Variants in CACNA1D observed in about 807,000 individuals in gnomAD.
CACNA1D encodes the protein calcium voltage-gated channel subunit alpha1 D.
Under a neutral mutation model 257.1 loss-of-function variants are expected in CACNA1D, and 55 were observed. The observed-to-expected ratio is 0.21, with a 90% confidence interval of 0.17 to 0.27. The LOEUF (loss-of-function observed/expected upper bound fraction) is 0.27, where lower values mean the gene tolerates loss of function less well. Ranked by LOEUF, CACNA1D falls within the 10% of genes least tolerant of loss-of-function variation. The pLI, the probability that CACNA1D is intolerant of heterozygous loss-of-function variation, is 1.00. For synonymous variants in CACNA1D, 980 were observed against 1,014.9 expected, an observed-to-expected ratio of 0.97 and a Z score of 0.65; for missense variants, 1,876 against 2,784.0, an observed-to-expected ratio of 0.67 and a Z score of 7.34.
intron 3 of CACNA1D, among the ~76,000 whole-genome samples, chr3:53,592,754 A>G (rs2093322430): frequency 6.6e-6 from 1 of 151,228 alleles, no homozygotes; most frequent in Non-Finnish European, 1.5e-5. Flanking sequence ...CCCAGGCTGG[A>G]GTGCAATGGC....
At chr3:53,522,132 G>A (rs1043016247) in intron 3 of CACNA1D, among the ~76,000 whole-genome samples, 12 of 152,102 alleles carry the variant, frequency 7.9e-5, no homozygotes, top group Non-Finnish European at 1.5e-4. Context: ...CGAGAAGCTG[G>A]GGGAAAAAAA....
chr3:53,559,526 G>A (rs749252539), intron 3 of CACNA1D, among the ~76,000 whole-genome samples: 5 of 152,130 alleles, frequency 3.3e-5, no homozygotes, highest in Admixed American at 6.5e-5. Context: ...CTATGTTTCT[G>A]ACTTTGGTTC....
intron 40 of CACNA1D, among the ~76,000 whole-genome samples, chr3:53,795,352 G>C (rs1306112821): frequency 6.6e-6 from 1 of 152,222 alleles, no homozygotes; most frequent in Admixed American, 6.5e-5. Flanking sequence ...AGGTGAGTAA[G>C]TGTGTGATTC....
At chr3:53,810,779 A>AAAC (rs1559732952) in intron 47 of CACNA1D, among the ~76,000 whole-genome samples, 1 of 119,328 alleles carries the variant, frequency 8.4e-6, no homozygotes, top group African/African-American at 2.9e-5. Context: ...AAAAAAAAAA[A>AAAC]AAAAAAACAA....
chr3:53,710,222 C>T (rs1158735435), intron 9 of CACNA1D, among the ~76,000 whole-genome samples: 1 of 152,218 alleles, frequency 6.6e-6, no homozygotes, highest in Non-Finnish European at 1.5e-5. Context: ...AGGGCACTTC[C>T]TCTCCGCTGT....
chr3:53,597,071 G>T (rs1217272515), intron 3 of CACNA1D, among the ~76,000 whole-genome samples: 1 of 152,158 alleles, frequency 6.6e-6, no homozygotes, highest in African/African-American at 2.4e-5. Context: ...ATTATTTAAT[G>T]TCTGTGTATG....
intron 3 of CACNA1D, among the ~76,000 whole-genome samples, chr3:53,593,904 G>A (rs2093339390): frequency 6.6e-6 from 1 of 152,236 alleles, no homozygotes; most frequent in African/African-American, 2.4e-5. Context: ...CAGCTCTGCA[G>A]GAGCTTCAGT....
chr3:53,805,180 C>T, intron 45 of CACNA1D, 34 bp downstream of exon 45: 3 of 1,603,210 alleles, frequency 1.9e-6, no homozygotes, highest in Non-Finnish European at 2.6e-6. Context: ...GGTGGAACCT[C>T]CCGGGGAACA....
At chr3:53,664,277 C>T (rs1261618858) in intron 5 of CACNA1D, among the ~76,000 whole-genome samples, 1 of 152,086 alleles carries the variant, frequency 6.6e-6, no homozygotes, top group Non-Finnish European at 1.5e-5. Context: ...GCCTCAAGAC[C>T]CTGGCTCAAA....
At chr3:53,598,345 G>T (rs889639307) in intron 3 of CACNA1D, among the ~76,000 whole-genome samples, 1 of 151,886 alleles carries the variant, frequency 6.6e-6, no homozygotes, top group Non-Finnish European at 1.5e-5. Flanking sequence ...GGAGGCCCAG[G>T]AGGGCAGATC....
intron 3 of CACNA1D, among the ~76,000 whole-genome samples, chr3:53,571,397 C>T (rs1416969667): frequency 2.0e-5 from 3 of 152,230 alleles, no homozygotes; most frequent in African/African-American, 4.8e-5. Context: ...TAGACTGTGC[C>T]TTGTGGCAGG....
intron 14 of CACNA1D, among the ~76,000 whole-genome samples, 159 bp downstream of exon 14, chr3:53,724,158 C>T (rs963574490): frequency 1.3e-5 from 2 of 152,282 alleles, no homozygotes; most frequent in East Asian, 3.9e-4. Context: ...TTAAGTTATT[C>T]GTTCTGCATC....
chr3:53,750,475 C>T (rs868824542), intron 27 of CACNA1D, among the ~76,000 whole-genome samples: 1 of 152,150 alleles, frequency 6.6e-6, no homozygotes, highest in East Asian at 1.9e-4. Context: ...GGAAGTGGCC[C>T]AGGCACGGCA....
intron 39 of CACNA1D, among the ~76,000 whole-genome samples, chr3:53,784,612 G>A (rs1451406422): frequency 1.3e-5 from 2 of 152,202 alleles, no homozygotes; most frequent in Admixed American, 1.3e-4. Flanking sequence ...AAGCATCAGG[G>A]TGGAATGGGG....
At chr3:53,605,869 C>T (rs1181935148) in intron 3 of CACNA1D, among the ~76,000 whole-genome samples, 1 of 152,210 alleles carries the variant, frequency 6.6e-6, no homozygotes, top group Non-Finnish European at 1.5e-5. Context: ...CCTAGAGGCC[C>T]TGGGTCCCAG....
At position 53,676,341 on chromosome 3, in the gene CACNA1D, T is replaced by C. The variant is rs376733568; in HGVS notation, c.1220+3215T>C. Among the ~76,000 whole-genome samples, 36 of 152,308 alleles carry C rather than the reference T, an allele frequency of 2.4e-4. No individual in the cohort carries two copies. In the South Asian group the frequency reaches 2.9e-3, roughly 12 times the overall value. On this transcript the variant is annotated intron_variant, in intron 8 of 47. Transcript: ENST00000350061. ...CCCCTCTTACTTTCCCATTGATATT[T>C]TTGTTGTTGTTTAAGCAAATTATTA...
chr3:53,574,534 G>A (rs935267656), intron 3 of CACNA1D, among the ~76,000 whole-genome samples: 1 of 152,142 alleles, frequency 6.6e-6, no homozygotes, highest in African/African-American at 2.4e-5. Context: ...GATGAAAGGC[G>A]GGGGCTTGTT....
chr3:53,659,345 C>T (rs997662367), intron 4 of CACNA1D, among the ~76,000 whole-genome samples: 1 of 152,178 alleles, frequency 6.6e-6, no homozygotes, highest in African/African-American at 2.4e-5. Context: ...TTAGCCTTTG[C>T]ACAGCTCCTT....
At chr3:53,647,544 G>T (rs1220689933) in intron 3 of CACNA1D, among the ~76,000 whole-genome samples, 1 of 152,130 alleles carries the variant, frequency 6.6e-6, no homozygotes, top group Admixed American at 6.5e-5. Flanking sequence ...AGCTGTTTTG[G>T]CTGGGCCCAC....
Sources: gnomAD v4.1 joint callset for allele counts (sites outside exome capture counted in the v4.1 genomes callset) on GRCh38, gnomAD v4.1.1 for gene constraint, MANE v1.5 for transcripts, NCBI Gene and HGNC (gene_info 2026-07-23, HGNC 2026-07-21) for gene names.